The following MXI1 variants were observed in gnomAD, a reference collection of about 807,000 sequenced individuals.
The protein encoded by MXI1 is MAX interactor 1, dimerization protein, also known as max-interacting protein 1.
Under a neutral mutation model 36.9 loss-of-function variants are expected in MXI1, and 18 were observed. That is an observed-to-expected ratio of 0.49 (90% CI 0.34 to 0.72). The LOEUF is 0.72. Among genes scored for constraint, MXI1 ranks in the 30% least tolerant of loss-of-function variants. MXI1 has a pLI of 0.01. For missense variants in MXI1, 304 were observed against 379.1 expected (o/e 0.80, Z 1.64); for synonymous variants, 160 against 146.7 (o/e 1.09, Z -0.65).
At chr10:110,232,673 G>T (rs571332311) in intron 2 of MXI1, among the ~76,000 whole-genome samples, 23 of 152,134 alleles carry the variant, frequency 1.5e-4, no homozygotes, top group Admixed American at 7.2e-4. Context: ...CTTAAAGAAT[G>T]GAAGGTTTTC....
At chr10:110,273,129 C>G (rs1037244343) in intron 3 of MXI1, among the ~76,000 whole-genome samples, 4 of 148,162 alleles carry the variant, frequency 2.7e-5, no homozygotes, top group Non-Finnish European at 5.9e-5. Flanking sequence ...CTCACTGCAA[C>G]CTCCGCCTCC....
Position 110,274,783 on chromosome 10 carries a change from G to A in MXI1, c.438-4397G>A, listed in dbSNP as rs541763146. On this transcript the variant is annotated intron_variant, in intron 3 of 5. Coordinates refer to ENST00000332674, the MANE Select transcript of MXI1 (RefSeq NM_130439.3). The stretch of plus-strand genomic sequence containing the variant: ...TGCAGGACCATGCCTTTCATGAATC[G>A]TTATTCTCTATGTCAGCTCTTCTCT... Among the ~76,000 whole-genome samples, 4 of 151,274 alleles carry A rather than the reference G, an allele frequency of 2.6e-5. No homozygotes were observed. The South Asian group carries it at 6.3e-4, about 24-fold the overall frequency.
intron 3 of MXI1, among the ~76,000 whole-genome samples, chr10:110,274,793 A>C (rs1184931653): frequency 6.6e-6 from 1 of 150,566 alleles, no homozygotes; most frequent in Non-Finnish European, 1.5e-5. Context: ...GTTATTCTCT[A>C]TGTCAGCTCT....
chr10:110,284,295 A>G (rs999624791), intron 5 of MXI1, among the ~76,000 whole-genome samples: 3 of 152,082 alleles, frequency 2.0e-5, no homozygotes, highest in Non-Finnish European at 2.9e-5. Flanking sequence ...CTTTATAATG[A>G]CTTGTTTGAC....
At chr10:110,253,515 C>A in intron 3 of MXI1, among the ~76,000 whole-genome samples, 1 of 151,966 alleles carries the variant, frequency 6.6e-6, no homozygotes. Context: ...TTTTTTTACA[C>A]GGTGTACACA....
intron 1 of MXI1, chr10:110,227,414 C>T: frequency 2.0e-6 from 2 of 984,718 alleles, no homozygotes; most frequent in Non-Finnish European, 1.2e-6. Flanking sequence ...AGGGTGCGCA[C>T]GGAGGGTGGG....
chr10:110,283,554 CT>C (rs34296187), intron 5 of MXI1, among the ~76,000 whole-genome samples: 63,372 of 146,146 alleles, frequency 0.43, 15,932 homozygotes, highest in East Asian at 0.83. Flanking sequence ...GCTGAATCCA[CT>C]TTTTTTTTTT....
intron 3 of MXI1, among the ~76,000 whole-genome samples, chr10:110,264,930 T>TA (rs1856636687): frequency 1.3e-5 from 2 of 152,170 alleles, no homozygotes; most frequent in African/African-American, 4.8e-5. Context: ...TGCTTTATGT[T>TA]AAAAATTTTT....
rs1857406999 is a variant in MXI1 at position 110,285,510 on chromosome 10, G to A, written c.*523G>A. The A allele has an allele frequency of 6.7e-6, 1 of 148,782 alleles. No individual in the cohort carries two copies. The highest frequency in any genetic ancestry group is 2.1e-4 in the South Asian group (1 of 4,678). 9.2% of individuals were successfully genotyped at this position (148,782 alleles called of 1,614,324 possible). A position where few individuals can be genotyped will look rare whatever the true frequency, so the allele number is the denominator to read the frequency against. The stretch of plus-strand genomic sequence containing the variant: ...ACAGTTTATCATGAAGCCTGTGGAT[G>A]ATCAATCCTTTATTATTATTTTTTT... On this transcript the variant is annotated 3_prime_UTR_variant, in exon 6 of 6. Transcript: ENST00000332674.
At chr10:110,265,934 CATT>C (rs1856664374) in intron 3 of MXI1, among the ~76,000 whole-genome samples, 1 of 152,120 alleles carries the variant, frequency 6.6e-6, no homozygotes, top group South Asian at 2.1e-4. Flanking sequence ...CTCTTTTAAT[CATT>C]ATAGTTGTCA....
chr10:110,212,628 C>T (rs1468663061), intron 1 of MXI1, among the ~76,000 whole-genome samples: 2 of 152,188 alleles, frequency 1.3e-5, no homozygotes, highest in Non-Finnish European at 2.9e-5. Context: ...GCCCAGCTTG[C>T]TACTCTACTG....
In MXI1 at chr10:110,282,939, A is replaced by G. The variant is rs1857307388; in HGVS notation, c.725-1885A>G. ...GCAATCCTCCTGCCTTGGCTTCCCA[A>G]AGTGCTGGGATTATAGGTGTGAGCC... On this transcript the variant is annotated intron_variant, in intron 5 of 5. Transcript: ENST00000332674. Among the ~76,000 whole-genome samples, 3 of 152,054 alleles carry G rather than the reference A, an allele frequency of 2.0e-5. No individual in the cohort carries two copies. The South Asian group carries it at 6.2e-4, about 32-fold the overall frequency.
chr10:110,231,474 A>G (rs1418201112), intron 2 of MXI1, among the ~76,000 whole-genome samples: 1 of 152,158 alleles, frequency 6.6e-6, no homozygotes, highest in East Asian at 1.9e-4. Context: ...TTATTTTCAA[A>G]GAAGTAAAAA....
Sources: allele counts gnomAD v4.1 joint callset (sites outside exome capture counted in the v4.1 genomes callset), GRCh38; gene constraint gnomAD v4.1.1; transcripts MANE v1.5; gene names NCBI Gene and HGNC (gene_info 2026-07-23, HGNC 2026-07-21).